Variants in ARHGAP28 observed in about 807,000 individuals in gnomAD.
ARHGAP28 encodes the protein Rho GTPase activating protein 28, also known as rho GTPase-activating protein 28.
ARHGAP28 carries 56 observed loss-of-function variants against 90.7 expected under a neutral mutation model. That is an observed-to-expected ratio of 0.62 (90% confidence interval 0.50 to 0.77). The LOEUF (loss-of-function observed/expected upper bound fraction) is 0.77. Ranked by LOEUF, ARHGAP28 falls within the 30% of genes least tolerant of loss-of-function variation. The pLI is 0.00. For missense variants in ARHGAP28, 869 were observed against 900.9 expected (o/e 0.96, Z 0.45); for synonymous variants, 308 against 323.3 (o/e 0.95, Z 0.51).
At chr18:6,843,634 C>T (rs1176072206) in intron 3 of ARHGAP28, among the ~76,000 whole-genome samples, 1 of 152,148 alleles carries the variant, frequency 6.6e-6, no homozygotes. Flanking sequence ...GAGTAATTTG[C>T]AGGGACAGGA....
At chr18:6,886,645 G>C (rs1472695780) in intron 11 of ARHGAP28, among the ~76,000 whole-genome samples, 1 of 152,200 alleles carries the variant, frequency 6.6e-6, no homozygotes, top group African/African-American at 2.4e-5. Context: ...CTGTGAGGTA[G>C]ATACAATGAC....
intron 3 of ARHGAP28, among the ~76,000 whole-genome samples, chr18:6,839,266 TA>T (rs2056778619): frequency 1.3e-5 from 2 of 152,064 alleles, no homozygotes; most frequent in Admixed American, 6.6e-5. Context: ...TGCTTTGTTT[TA>T]GTTAGATTCA....
chr18:6,841,225 C>T (rs1278744184), intron 3 of ARHGAP28, among the ~76,000 whole-genome samples: 15 of 131,836 alleles, frequency 1.1e-4, no homozygotes, highest in Admixed American at 6.1e-4. Context: ...CTCTCTCTCC[C>T]CCCAACCCGC....
At chr18:6,898,524 A>G (rs760001888) in intron 16 of ARHGAP28, 3 of 1,614,144 alleles carry the variant, frequency 1.9e-6, no homozygotes, top group Non-Finnish European at 2.5e-6. Flanking sequence ...GACCAACAGG[A>G]GCCCCAAACA....
chr18:6,843,965 G>C (rs145428909), intron 3 of ARHGAP28, among the ~76,000 whole-genome samples: 1 of 152,230 alleles, frequency 6.6e-6, no homozygotes, highest in East Asian at 1.9e-4. Flanking sequence ...GATACATCAC[G>C]CATGGTTTAC....
chr18:6,798,514 A>T (rs1247446304), intron 1 of ARHGAP28, among the ~76,000 whole-genome samples: 1 of 152,178 alleles, frequency 6.6e-6, no homozygotes, highest in African/African-American at 2.4e-5. Flanking sequence ...TTAAACCTAT[A>T]CAATGACTTT....
chr18:6,781,918 A>G (rs1991675), intron 1 of ARHGAP28, among the ~76,000 whole-genome samples: 10,431 of 152,144 alleles, frequency 0.069, 1,141 homozygotes, highest in African/African-American at 0.23. Flanking sequence ...CTTCCTGACA[A>G]TTCTCCCTGG....
intron 16 of ARHGAP28, among the ~76,000 whole-genome samples, chr18:6,904,549 T>C (rs531239898): frequency 1.3e-5 from 2 of 151,762 alleles, no homozygotes; most frequent in East Asian, 3.9e-4. Context: ...ACTACAAAAA[T>C]AAGAGCAAAA....
At chr18:6,897,341 G>C (rs983964436) in intron 16 of ARHGAP28, 1 of 152,196 alleles carries the variant, frequency 6.6e-6, no homozygotes, top group Non-Finnish European at 1.5e-5. Flanking sequence ...TAGACATTAT[G>C]TAGTTAAGTG....
At chr18:6,842,624 C>T (rs2056836007) in intron 3 of ARHGAP28, among the ~76,000 whole-genome samples, 1 of 152,078 alleles carries the variant, frequency 6.6e-6, no homozygotes, top group African/African-American at 2.4e-5. Flanking sequence ...GCTCTGTTGA[C>T]TTTGATCCTT....
intron 1 of ARHGAP28, among the ~76,000 whole-genome samples, chr18:6,741,508 TA>T (rs1222170914): frequency 6.6e-6 from 1 of 152,182 alleles, no homozygotes; most frequent in African/African-American, 2.4e-5. Context: ...CCACACCAGC[TA>T]AAATAACATG....
chr18:6,885,696 A>G (rs897306602), intron 11 of ARHGAP28, among the ~76,000 whole-genome samples: 6 of 152,192 alleles, frequency 3.9e-5, no homozygotes, highest in African/African-American at 1.4e-4. Context: ...ATTATTTGCC[A>G]AATTAAACTT....
At chr18:6,809,469 C>T (rs1004168459) in intron 1 of ARHGAP28, among the ~76,000 whole-genome samples, 1 of 152,070 alleles carries the variant, frequency 6.6e-6, no homozygotes. Context: ...AGAAGTTTAA[C>T]CAGCCCATGG....
chr18:6,846,358 G>T (rs2056866059), intron 3 of ARHGAP28, among the ~76,000 whole-genome samples: 1 of 152,020 alleles, frequency 6.6e-6, no homozygotes, highest in African/African-American at 2.4e-5. Context: ...TTTCATGTGG[G>T]GCACTCTATC....
At chr18:6,748,024 C>T (rs1406284440) in intron 1 of ARHGAP28, among the ~76,000 whole-genome samples, 1 of 152,172 alleles carries the variant, frequency 6.6e-6, no homozygotes, top group Admixed American at 6.5e-5. Flanking sequence ...TTACTAATAA[C>T]AGAGCATATT....
chr18:6,832,893 A>G (rs762839014), intron 2 of ARHGAP28, among the ~76,000 whole-genome samples: 1 of 152,024 alleles, frequency 6.6e-6, no homozygotes, highest in African/African-American at 2.4e-5. Context: ...ATATTCATCC[A>G]TAACTTATCA....
In ARHGAP28 at chr18:6,899,547, C is replaced by T. The variant is rs564971986; in HGVS notation, c.2030+2921C>T. 9.2e-5 allele frequency among the ~76,000 whole-genome samples: 14 copies of T among 152,170 alleles called. No homozygotes were observed. The South Asian group carries it at 1.0e-3, about 11-fold the overall frequency. ...CAGCCAAACACCAATAGAAAAAACA[C>T]GCCACCACCCCATGGTTTCGGTGGA... On this transcript the variant is annotated intron_variant, in intron 16 of 17. Transcript: ENST00000383472.
chr18:6,865,333 A>AT (rs2057030245), intron 5 of ARHGAP28, among the ~76,000 whole-genome samples: 1 of 152,234 alleles, frequency 6.6e-6, no homozygotes, highest in African/African-American at 2.4e-5. Context: ...TTCATGTTGA[A>AT]TAGATTTTGC....
At chr18:6,874,522 C>T (rs1406065728) in intron 9 of ARHGAP28, 2 of 152,130 alleles carry the variant, frequency 1.3e-5, no homozygotes, top group Non-Finnish European at 2.9e-5. Context: ...TCCAGTGGCA[C>T]AATTAAAATT....
Sources: allele counts gnomAD v4.1 joint callset (sites outside exome capture counted in the v4.1 genomes callset), GRCh38; gene constraint gnomAD v4.1.1; transcripts MANE v1.5; gene names NCBI Gene and HGNC (gene_info 2026-07-23, HGNC 2026-07-21).